KIAA1217: variants seen among roughly 807,000 people sequenced by gnomAD.
The protein encoded by KIAA1217 is sickle tail protein homolog.
A neutral mutation model predicts 163.9 loss-of-function variants in KIAA1217; 88 were observed. The observed-to-expected ratio is 0.54, with a 90% CI of 0.45 to 0.64. The LOEUF (loss-of-function observed/expected upper bound fraction) is 0.64, where lower values mean the gene tolerates loss of function less well. Among genes scored for constraint, KIAA1217 ranks in the 30% least tolerant of loss-of-function variants. KIAA1217 has a pLI of 0.00. For missense variants in KIAA1217, 2,372 were observed against 2,475.0 expected (o/e 0.96, Z 0.88); for synonymous variants, 903 against 923.1 (o/e 0.98, Z 0.39).
At chr10:24,003,125 GT>G (rs371276953) in intron 1 of KIAA1217, among the ~76,000 whole-genome samples, 10 of 152,208 alleles carry the variant, frequency 6.6e-5, no homozygotes, top group African/African-American at 2.4e-4. Flanking sequence ...GCATGCAAGT[GT>G]TTTTTTGTTT....
At position 24,424,070 on chromosome 10, in the gene KIAA1217, ATT is replaced by A. The variant is rs201595833; in HGVS notation, c.554-8912_554-8911del. Among the ~76,000 whole-genome samples, 289 of 147,810 alleles carry A rather than the reference ATT, an allele frequency of 2.0e-3. 4 individuals are homozygous for A. The highest frequency in any genetic ancestry group is 6.7e-3 in the African/African-American group (271 of 40,612). ...AAATCCAAGAGTAAAGTTATTCCAA[ATT>A]TTTTTTTTTTTTAAATCCAGACTTT... On this transcript the variant is annotated intron_variant, in intron 3 of 20. Coordinates refer to ENST00000376454, the MANE Select transcript of KIAA1217 (RefSeq NM_019590.5).
intron 2 of KIAA1217, among the ~76,000 whole-genome samples, chr10:24,152,128 G>T (rs2064647130): frequency 6.6e-6 from 1 of 151,882 alleles, no homozygotes; most frequent in Non-Finnish European, 1.5e-5. Flanking sequence ...AGAATGCTTT[G>T]GTTCTTAGAT....
intron 1 of KIAA1217, among the ~76,000 whole-genome samples, chr10:23,820,918 C>T (rs1837589146): frequency 6.6e-6 from 1 of 152,116 alleles, no homozygotes; most frequent in Admixed American, 6.5e-5. Flanking sequence ...AATGTGCCCC[C>T]TTTGTACAAG....
intron 1 of KIAA1217, among the ~76,000 whole-genome samples, chr10:23,811,784 A>G (rs990649747): frequency 6.6e-6 from 1 of 152,150 alleles, no homozygotes; most frequent in African/African-American, 2.4e-5. Context: ...GACAGGGGGA[A>G]GTGAGCAGAC....
intron 2 of KIAA1217, among the ~76,000 whole-genome samples, chr10:24,067,897 G>C (rs554479628): frequency 6.7e-6 from 1 of 149,820 alleles, no homozygotes; most frequent in South Asian, 2.1e-4. Flanking sequence ...TCAGACTGCT[G>C]TGCTAGCAAT....
chr10:24,356,408 A>G (rs1361263452), intron 2 of KIAA1217, among the ~76,000 whole-genome samples: 1 of 152,146 alleles, frequency 6.6e-6, no homozygotes, highest in African/African-American at 2.4e-5. Flanking sequence ...GTATTTAGAG[A>G]TTTGCAAAAA....
intron 2 of KIAA1217, among the ~76,000 whole-genome samples, chr10:24,068,012 A>T (rs1048615770): frequency 1.3e-5 from 2 of 152,202 alleles, no homozygotes; most frequent in Non-Finnish European, 2.9e-5. Flanking sequence ...TTAGGGTGGG[A>T]GTAACCCAAT....
chr10:24,097,250 A>G (rs1287462296), intron 2 of KIAA1217, among the ~76,000 whole-genome samples: 1 of 152,246 alleles, frequency 6.6e-6, no homozygotes, highest in African/African-American at 2.4e-5. Flanking sequence ...GGGAAAAAGT[A>G]GATTCAGAGA....
At chr10:24,142,385 C>T (rs1195026677) in intron 2 of KIAA1217, among the ~76,000 whole-genome samples, 1 of 152,000 alleles carries the variant, frequency 6.6e-6, no homozygotes, top group East Asian at 1.9e-4. Flanking sequence ...GCATTATCTT[C>T]CTATAGGTAA....
At chr10:24,310,314 G>A (rs1347259524) in intron 2 of KIAA1217, among the ~76,000 whole-genome samples, 1 of 152,170 alleles carries the variant, frequency 6.6e-6, no homozygotes. Context: ...GATGAGGTAA[G>A]TGCTATTATC....
intron 2 of KIAA1217, among the ~76,000 whole-genome samples, chr10:24,147,275 GA>G (rs2064364594): frequency 6.6e-6 from 1 of 152,154 alleles, no homozygotes; most frequent in Non-Finnish European, 1.5e-5. Context: ...GTTCAGTGGG[GA>G]CAAGGGAGAG....
chr10:24,453,221 G>A (rs975385283), intron 5 of KIAA1217, among the ~76,000 whole-genome samples: 1 of 152,182 alleles, frequency 6.6e-6, no homozygotes, highest in Admixed American at 6.5e-5. Flanking sequence ...TGGATCTTAT[G>A]AGGTTTGTCT....
chr10:24,265,289 T>C (rs1209589590), intron 2 of KIAA1217, among the ~76,000 whole-genome samples: 5 of 152,232 alleles, frequency 3.3e-5, no homozygotes, highest in Non-Finnish European at 5.9e-5. Flanking sequence ...TCCACAGACA[T>C]TTTGATTAGG....
At chr10:24,123,099 G>A (rs894098779) in intron 2 of KIAA1217, among the ~76,000 whole-genome samples, 1 of 149,944 alleles carries the variant, frequency 6.7e-6, no homozygotes, top group African/African-American at 2.5e-5. Flanking sequence ...ACTTTCCCAT[G>A]TGTATTTTGG....
At chr10:23,820,118 A>G (rs951551243) in intron 1 of KIAA1217, among the ~76,000 whole-genome samples, 3 of 152,236 alleles carry the variant, frequency 2.0e-5, no homozygotes, top group African/African-American at 4.8e-5. Flanking sequence ...GGGGAGGACC[A>G]CAAAGCTCAT....
At chr10:24,153,041 G>A (rs1188883538) in intron 2 of KIAA1217, among the ~76,000 whole-genome samples, 1 of 152,212 alleles carries the variant, frequency 6.6e-6, no homozygotes, top group East Asian at 1.9e-4. Context: ...CAAATCCTCT[G>A]TTCTCCAGCT....
At position 23,963,289 on chromosome 10, in the gene KIAA1217, C is replaced by T. The variant is rs930565164; in HGVS notation, c.-320-43936C>T. 9.2e-5 allele frequency among the ~76,000 whole-genome samples: 14 copies of T among 152,088 alleles called. 1 individual carries two copies. In the East Asian group the frequency reaches 1.9e-3, roughly 21 times the overall value. On this transcript the variant is annotated intron_variant, in intron 1 of 18. Transcript: ENST00000376462. The stretch of plus-strand genomic sequence containing the variant: ...TTGTCCCCCACCCCTTGAGAGGCCC[C>T]GGTGTGTGATGTTCCTCTCCCTGTG...
chr10:23,875,100 A>AG (rs1840620927), intron 1 of KIAA1217, among the ~76,000 whole-genome samples: 2 of 152,188 alleles, frequency 1.3e-5, no homozygotes, highest in Admixed American at 1.3e-4. Flanking sequence ...CATTACTGCA[A>AG]GGAGGGCACC....
At chr10:24,133,366 G>C (rs1228457657) in intron 2 of KIAA1217, among the ~76,000 whole-genome samples, 1 of 152,030 alleles carries the variant, frequency 6.6e-6, no homozygotes. Flanking sequence ...GAGGTCAAGA[G>C]TTCGAGACCA....
Sources: gnomAD v4.1 joint callset for allele counts (sites outside exome capture counted in the v4.1 genomes callset) on GRCh38, gnomAD v4.1.1 for gene constraint, MANE v1.5 for transcripts, NCBI Gene and HGNC (gene_info 2026-07-23, HGNC 2026-07-21) for gene names.